FGGY: variants seen among roughly 807,000 people sequenced by gnomAD.
FGGY encodes FGGY carbohydrate kinase domain containing, also known as FGGY carbohydrate kinase domain-containing protein.
A neutral mutation model predicts 71.3 loss-of-function variants in FGGY; 72 were observed. The observed-to-expected ratio is 1.01, with a 90% CI of 0.84 to 1.23. FGGY has a LOEUF of 1.23. FGGY is among the 50% of genes most tolerant of loss of function. FGGY has a pLI of 0.00. For synonymous variants in FGGY, 251 were observed against 250.3 expected, an observed-to-expected ratio of 1.00 and a Z score of -0.02; for missense variants, 668 against 682.3, an observed-to-expected ratio of 0.98 and a Z score of 0.23.
chr1:59,502,451 T>G (rs1243085446), intron 6 of FGGY, among the ~76,000 whole-genome samples: 1 of 152,188 alleles, frequency 6.6e-6, no homozygotes, highest in Non-Finnish European at 1.5e-5. Context: ...GCACCAGCAA[T>G]TATCTAGAGA....
At chr1:59,323,915 G>T (rs1341439258) in intron 2 of FGGY, among the ~76,000 whole-genome samples, 1 of 152,168 alleles carries the variant, frequency 6.6e-6, no homozygotes, top group Non-Finnish European at 1.5e-5. Context: ...GTCTACGGCG[G>T]GGGAGGCGCT....
chr1:59,615,426 G>T (rs1572136109), intron 9 of FGGY, among the ~76,000 whole-genome samples: 1 of 152,274 alleles, frequency 6.6e-6, no homozygotes, highest in East Asian at 1.9e-4. Context: ...ATGGTGCTGG[G>T]AAAACTGGCT....
rs528782559 is a variant in FGGY, at chr1:59,401,943, C to G, written c.554+23106C>G. On this transcript the variant is annotated intron_variant, in intron 5 of 15. Transcript: ENST00000303721. Reference sequence around the variant, plus strand: ...CACCAAGACTGGGGCCCAGGCCTTGCTTCCAAGGTACCATGGCGTTCTGTG... The same window carrying G: ...CACCAAGACTGGGGCCCAGGCCTTGGTTCCAAGGTACCATGGCGTTCTGTG... 4.6e-5 allele frequency among the ~76,000 whole-genome samples: 7 copies of G among 152,322 alleles called. No individual in the cohort carries two copies. In the East Asian group the frequency reaches 1.3e-3, roughly 29 times the overall value.
intron 6 of FGGY, among the ~76,000 whole-genome samples, chr1:59,502,667 G>A (rs2094261861): frequency 6.6e-6 from 1 of 152,178 alleles, no homozygotes; most frequent in Admixed American, 6.5e-5. Context: ...CCATAGCAGG[G>A]AGTGCTGACA....
At chr1:59,585,797 C>T (rs183376611) in intron 8 of FGGY, among the ~76,000 whole-genome samples, 179 of 152,236 alleles carry the variant, frequency 1.2e-3, no homozygotes, top group African/African-American at 4.1e-3. Context: ...TATCCAGAAT[C>T]TACAAAGAAC....
In FGGY at chr1:59,324,266, C is replaced by CTTT. The variant is rs71046329; in HGVS notation, c.201+2542_201+2544dup. Among the ~76,000 whole-genome samples the CTTT allele has an allele frequency of 3.6e-3, 281 of 78,132 alleles. 26 individuals carry two copies. Among genetic ancestry groups the CTTT allele is most frequent in the African/African-American group, 8.4e-3 (174 of 20,672 alleles). 51.3% of individuals were successfully genotyped at this position (78,132 alleles called of 152,430 possible). A position where few individuals can be genotyped will look rare whatever the true frequency, so the allele number is the denominator to read the frequency against. On this transcript the variant is annotated intron_variant, in intron 2 of 15. Coordinates refer to ENST00000303721, the MANE Select transcript of FGGY (RefSeq NM_018291.5). ...CTTCATTTTATCCTTATAATAACTA[C>CTTT]TTTTTTTTTTTTTTTTTTTTTTTTT...
At chr1:59,340,946 T>A (rs146520671) in intron 3 of FGGY, among the ~76,000 whole-genome samples, 50 of 152,284 alleles carry the variant, frequency 3.3e-4, no homozygotes, top group Non-Finnish European at 6.2e-4. Flanking sequence ...AAGGGCCAGC[T>A]CTAGGCATTG....
At chr1:59,621,537 A>AT (rs200330124) in intron 9 of FGGY, among the ~76,000 whole-genome samples, 2 of 145,822 alleles carry the variant, frequency 1.4e-5, no homozygotes, top group East Asian at 2.0e-4. Context: ...CATTCTCTCT[A>AT]TTTTTTTTCA....
chr1:59,411,137 T>A (rs1400912879), intron 5 of FGGY, among the ~76,000 whole-genome samples: 1 of 152,242 alleles, frequency 6.6e-6, no homozygotes, highest in Non-Finnish European at 1.5e-5. Flanking sequence ...ACTAGTCATA[T>A]CTCCTTTGTC....
At chr1:59,565,902 C>T (rs1558372580) in intron 8 of FGGY, among the ~76,000 whole-genome samples, 1 of 152,174 alleles carries the variant, frequency 6.6e-6, no homozygotes, top group African/African-American at 2.4e-5. Context: ...CACCATCATC[C>T]CCTGGGAAGA....
intron 7 of FGGY, among the ~76,000 whole-genome samples, chr1:59,530,332 T>C (rs981029750): frequency 2.6e-5 from 4 of 152,180 alleles, no homozygotes. Context: ...TATGCAAAAA[T>C]ATTATTTTCT....
At chr1:59,676,644 T>A (rs2097438582) in intron 14 of FGGY, among the ~76,000 whole-genome samples, 1 of 152,168 alleles carries the variant, frequency 6.6e-6, no homozygotes, top group Admixed American at 6.5e-5. Context: ...TTGCTGTTAG[T>A]CTTCTGTAAC....
At chr1:59,691,169 T>C (rs1012110186) in intron 14 of FGGY, among the ~76,000 whole-genome samples, 1 of 152,224 alleles carries the variant, frequency 6.6e-6, no homozygotes, top group Non-Finnish European at 1.5e-5. Context: ...TTGGAGGGTC[T>C]TTGCTGAACA....
At chr1:59,544,316 G>T (rs987554609) in intron 7 of FGGY, among the ~76,000 whole-genome samples, 2 of 152,188 alleles carry the variant, frequency 1.3e-5, no homozygotes, top group African/African-American at 4.8e-5. Context: ...GGCAAGAAGG[G>T]CATGATTTAA....
At chr1:59,553,298 A>C (rs1273689304) in intron 7 of FGGY, among the ~76,000 whole-genome samples, 5 of 152,194 alleles carry the variant, frequency 3.3e-5, no homozygotes, top group Admixed American at 6.5e-5. Flanking sequence ...CTTCCACATC[A>C]CACCTAGTAT....
chr1:59,374,667 A>G (rs1476942919), intron 4 of FGGY, among the ~76,000 whole-genome samples: 2 of 152,140 alleles, frequency 1.3e-5, no homozygotes, highest in African/African-American at 4.8e-5. Context: ...ATGTCCAACA[A>G]TGATAGACTG....
chr1:59,350,979 A>T (rs920099240), intron 4 of FGGY, among the ~76,000 whole-genome samples: 2 of 152,224 alleles, frequency 1.3e-5, no homozygotes, highest in African/African-American at 4.8e-5. Flanking sequence ...ACCCAGGCCA[A>T]ATCTGGCCTA....
intron 7 of FGGY, among the ~76,000 whole-genome samples, chr1:59,512,789 C>T (rs2094549547): frequency 6.6e-6 from 1 of 152,170 alleles, no homozygotes; most frequent in South Asian, 2.1e-4. Context: ...CTCCAAAACC[C>T]TTATAAGTCT....
intron 6 of FGGY, among the ~76,000 whole-genome samples, chr1:59,497,780 G>A (rs967255554): frequency 9.2e-5 from 14 of 152,132 alleles, no homozygotes; most frequent in African/African-American, 2.7e-4. Context: ...CATGTCAGTT[G>A]GCTCACCCTT....
Sources: gnomAD v4.1 joint callset for allele counts (sites outside exome capture counted in the v4.1 genomes callset) on GRCh38, gnomAD v4.1.1 for gene constraint, MANE v1.5 for transcripts, NCBI Gene and HGNC (gene_info 2026-07-23, HGNC 2026-07-21) for gene names.